CADM2: variants seen among roughly 807,000 people sequenced by gnomAD.
CADM2 encodes immunoglobulin superfamily member 4D.
CADM2 carries 12 observed loss-of-function variants against 49.8 expected under a neutral mutation model. The ratio of observed to expected loss-of-function variants is 0.24; its 90% confidence interval spans 0.15 to 0.39. The LOEUF is 0.39. Among genes scored for constraint, CADM2 ranks in the 10% least tolerant of loss-of-function variants. CADM2 has a pLI of 1.00. For missense variants in CADM2, 378 were observed against 492.3 expected, an observed-to-expected ratio of 0.77 and a Z score of 2.20; for synonymous variants, 214 against 175.4, an observed-to-expected ratio of 1.22 and a Z score of -1.74.
At chr3:85,359,799 A>T (rs369933986) in intron 1 of CADM2, among the ~76,000 whole-genome samples, 1 of 149,718 alleles carries the variant, frequency 6.7e-6, no homozygotes, top group Admixed American at 6.7e-5. Context: ...ACTGCCTTGC[A>T]TATTTTAAAT....
intron 1 of CADM2, among the ~76,000 whole-genome samples, chr3:85,169,254 A>G (rs1406013957): frequency 6.6e-6 from 1 of 152,162 alleles, no homozygotes; most frequent in Non-Finnish European, 1.5e-5. Context: ...TTGGCCTTCC[A>G]AAGTGCTGGG....
rs1184385387 is a variant in CADM2, at chr3:86,072,423, A to G, written c.*5640A>G. 2.0e-5 allele frequency: 3 copies of G among 152,034 alleles called. No homozygotes were observed. Among genetic ancestry groups the G allele is most frequent in the Non-Finnish European group, 4.4e-5 (3 of 67,926 alleles). 9.4% of individuals were successfully genotyped at this position (152,034 alleles called of 1,614,324 possible). ...TAAAAAAAACAAAAAAAACAAAAAA[A>G]AAACACTATTTTCCCCTACGAAATA... On this transcript the variant is annotated 3_prime_UTR_variant, in exon 10 of 10. Coordinates refer to ENST00000383699, the MANE Select transcript of CADM2 (RefSeq NM_001167675.2).
At chr3:85,275,394 C>T (rs2043333317) in intron 1 of CADM2, among the ~76,000 whole-genome samples, 1 of 151,342 alleles carries the variant, frequency 6.6e-6, no homozygotes, top group Admixed American at 6.6e-5. Context: ...GTTTATGATT[C>T]ATTGTAGATT....
At chr3:85,575,324 G>A (rs1559920613) in intron 1 of CADM2, among the ~76,000 whole-genome samples, 1 of 152,146 alleles carries the variant, frequency 6.6e-6, no homozygotes, top group Non-Finnish European at 1.5e-5. Context: ...GGCCAAGGTG[G>A]GTGGATCACA....
chr3:85,894,978 T>C (rs369039332), intron 5 of CADM2, among the ~76,000 whole-genome samples: 1 of 152,182 alleles, frequency 6.6e-6, no homozygotes, highest in Non-Finnish European at 1.5e-5. Context: ...GCTAGGGCAA[T>C]GTGGAAGGAT....
intron 1 of CADM2, among the ~76,000 whole-genome samples, chr3:85,659,868 G>T (rs1487985097): frequency 6.6e-6 from 1 of 151,982 alleles, no homozygotes; most frequent in Non-Finnish European, 1.5e-5. Context: ...ACTTAAACTT[G>T]AGCACAAGGT....
In CADM2 at chr3:85,058,913, A is replaced by G. The variant is rs187306241; in HGVS notation, c.61+99245A>G. 6.3e-4 allele frequency among the ~76,000 whole-genome samples: 95 copies of G among 151,766 alleles called. No individual in the cohort carries two copies. The East Asian group carries it at 0.013, about 21-fold the overall frequency. On this transcript the variant is annotated intron_variant, in intron 1 of 9. Coordinates refer to ENST00000383699, the MANE Select transcript of CADM2 (RefSeq NM_001167675.2). The stretch of plus-strand genomic sequence containing the variant: ...ATTATGCAAAACAATATAGAATTAT[A>G]TAGTATTCTATACTATACATTATAT...
At chr3:85,533,195 C>A (rs1235547516) in intron 1 of CADM2, among the ~76,000 whole-genome samples, 1 of 152,124 alleles carries the variant, frequency 6.6e-6, no homozygotes, top group Non-Finnish European at 1.5e-5. Flanking sequence ...GAAGCTGGTT[C>A]TTTGTGTGTT....
chr3:85,523,614 A>G (rs2061081784), intron 1 of CADM2, among the ~76,000 whole-genome samples: 1 of 152,046 alleles, frequency 6.6e-6, no homozygotes, highest in South Asian at 2.1e-4. Context: ...AATTACAACA[A>G]TCCTCAGTAA....
intron 1 of CADM2, among the ~76,000 whole-genome samples, chr3:85,509,213 C>G (rs13081724): frequency 0.06 from 9,135 of 152,146 alleles, 381 homozygotes; most frequent in Middle Eastern, 0.11. Flanking sequence ...ATGCTATATC[C>G]AGCATCCAAA....
chr3:85,762,082 T>A (rs1047410867), intron 2 of CADM2, among the ~76,000 whole-genome samples: 2 of 152,116 alleles, frequency 1.3e-5, no homozygotes, highest in Non-Finnish European at 2.9e-5. Flanking sequence ...ATTTTTCAAA[T>A]CACTAGGTCA....
intron 1 of CADM2, among the ~76,000 whole-genome samples, chr3:85,678,596 T>C (rs997563249): frequency 6.6e-5 from 10 of 152,200 alleles, no homozygotes; most frequent in Non-Finnish European, 1.5e-4. Flanking sequence ...CAATAGTTCA[T>C]TTCTGTTATA....
intron 1 of CADM2, among the ~76,000 whole-genome samples, chr3:85,139,062 G>GT (rs1246182795): frequency 2.0e-5 from 3 of 152,110 alleles, no homozygotes; most frequent in African/African-American, 7.2e-5. Context: ...AGTGCAGGTT[G>GT]GGCAGTTATC....
At position 85,682,131 on chromosome 3, in the gene CADM2, C is replaced by T. The variant is rs562547356; in HGVS notation, c.62-44391C>T. Among the ~76,000 whole-genome samples, 25 of 152,076 alleles carry T rather than the reference C, an allele frequency of 1.6e-4. No homozygotes were observed. The South Asian group carries it at 3.5e-3, about 21-fold the overall frequency. On this transcript the variant is annotated intron_variant, in intron 1 of 9. Coordinates refer to ENST00000383699, the MANE Select transcript of CADM2 (RefSeq NM_001167675.2). The stretch of plus-strand genomic sequence containing the variant: ...CCTAAAGCTCAGCTGAAAAATTAAA[C>T]GATACAGCTAAAAGTCATAGTTGGC...
At chr3:85,611,006 G>T (rs1559941860) in intron 1 of CADM2, among the ~76,000 whole-genome samples, 1 of 151,686 alleles carries the variant, frequency 6.6e-6, no homozygotes. Flanking sequence ...AACTTGCTTT[G>T]GAATTGTCAG....
intron 1 of CADM2, among the ~76,000 whole-genome samples, chr3:85,546,405 T>C (rs758613804): frequency 6.6e-6 from 1 of 152,174 alleles, no homozygotes; most frequent in Non-Finnish European, 1.5e-5. Flanking sequence ...CATCTCCCTC[T>C]CTTTCCCCTT....
intron 1 of CADM2, among the ~76,000 whole-genome samples, chr3:85,411,004 G>A (rs1226702459): frequency 2.0e-5 from 3 of 152,138 alleles, no homozygotes; most frequent in Non-Finnish European, 4.4e-5. Flanking sequence ...GGATGCAAAG[G>A]TGTCATTTTC....
Position 85,875,996 on chromosome 3 carries a change from G to C in CADM2, c.239-7295G>C, listed in dbSNP as rs1389203945. On this transcript the variant is annotated intron_variant, in intron 3 of 9. Coordinates refer to ENST00000383699, the MANE Select transcript of CADM2 (RefSeq NM_001167675.2). Reference sequence around the variant, plus strand: ...AGGAATTAAGTGGGATACTTGGGTGGAAAGCACATGCACTGAGGCTAAGGA... The same window carrying C: ...AGGAATTAAGTGGGATACTTGGGTGCAAAGCACATGCACTGAGGCTAAGGA... Among the ~76,000 whole-genome samples, 6 of 152,242 alleles carry C rather than the reference G, an allele frequency of 3.9e-5. No homozygotes were observed. In the East Asian group the frequency reaches 9.7e-4, roughly 25 times the overall value.
At chr3:85,689,216 T>G (rs1319393661) in intron 1 of CADM2, among the ~76,000 whole-genome samples, 1 of 152,148 alleles carries the variant, frequency 6.6e-6, no homozygotes, top group Admixed American at 6.5e-5. Flanking sequence ...CAAACTAAAC[T>G]GTAATGACAG....
Sources: gnomAD v4.1 joint callset for allele counts (sites outside exome capture counted in the v4.1 genomes callset) on GRCh38, gnomAD v4.1.1 for gene constraint, MANE v1.5 for transcripts, NCBI Gene and HGNC (gene_info 2026-07-23, HGNC 2026-07-21) for gene names.